The following PDE4D variants were observed in gnomAD, a reference collection of about 807,000 sequenced individuals.
PDE4D encodes the protein 3',5'-cyclic-AMP phosphodiesterase 4D.
A neutral mutation model predicts 87.4 loss-of-function variants in PDE4D; 24 were observed. The ratio of observed to expected loss-of-function variants is 0.27; its 90% CI spans 0.20 to 0.39. PDE4D has a LOEUF of 0.39. Among genes scored for constraint, PDE4D ranks in the 10% least tolerant of loss-of-function variants. The pLI, the probability that PDE4D is intolerant of heterozygous loss-of-function variation, is 1.00. For synonymous variants in PDE4D, 384 were observed against 383.2 expected (o/e 1.00, Z -0.02); for missense variants, 714 against 1,041.0 (o/e 0.69, Z 4.32).
intron 1 of PDE4D, among the ~76,000 whole-genome samples, chr5:59,279,798 T>C (rs745835567): frequency 6.8e-5 from 10 of 146,778 alleles, no homozygotes; most frequent in Non-Finnish European, 1.2e-4. Flanking sequence ...CATGTATGTA[T>C]GTGTATGTGT....
intron 1 of PDE4D, among the ~76,000 whole-genome samples, chr5:59,270,773 T>C (rs753666855): frequency 1.5e-4 from 23 of 152,146 alleles, no homozygotes; most frequent in Admixed American, 5.9e-4. Flanking sequence ...ATTAAAAAGA[T>C]AATTATATCC....
intron 2 of PDE4D, among the ~76,000 whole-genome samples, chr5:59,995,103 T>C (rs190611717): frequency 5.3e-5 from 8 of 152,238 alleles, no homozygotes; most frequent in Non-Finnish European, 7.4e-5. Flanking sequence ...TAGCCAGTTG[T>C]GACATCGACA....
intron 1 of PDE4D, among the ~76,000 whole-genome samples, chr5:59,413,140 C>A (rs372096901): frequency 6.6e-6 from 1 of 152,114 alleles, no homozygotes; most frequent in Non-Finnish European, 1.5e-5. Context: ...ATTCTTGATA[C>A]CAATGCTGAG....
chr5:59,152,534 C>T (rs182182366), intron 5 of PDE4D, among the ~76,000 whole-genome samples: 5 of 152,168 alleles, frequency 3.3e-5, no homozygotes, highest in African/African-American at 1.2e-4. Context: ...GTTCACATTT[C>T]CTTGAGTTGA....
chr5:60,305,745 G>C (rs1408532081), intron 1 of PDE4D, among the ~76,000 whole-genome samples: 2 of 144,856 alleles, frequency 1.4e-5, no homozygotes, highest in Non-Finnish European at 3.0e-5. Context: ...ATAAAATATA[G>C]ACTCTAAGAA....
At chr5:59,641,695 A>T (rs1741608260) in intron 1 of PDE4D, among the ~76,000 whole-genome samples, 1 of 152,220 alleles carries the variant, frequency 6.6e-6, no homozygotes, top group African/African-American at 2.4e-5. Context: ...AAAAAGACTG[A>T]AATCTAAATC....
At chr5:60,136,036 C>T (rs977457267) in intron 2 of PDE4D, among the ~76,000 whole-genome samples, 1 of 152,114 alleles carries the variant, frequency 6.6e-6, no homozygotes, top group African/African-American at 2.4e-5. Flanking sequence ...GGTGGTCTGA[C>T]AATTGTTTGA....
At chr5:60,111,127 T>C (rs1326375292) in intron 2 of PDE4D, among the ~76,000 whole-genome samples, 1 of 152,008 alleles carries the variant, frequency 6.6e-6, no homozygotes, top group Non-Finnish European at 1.5e-5. Flanking sequence ...TATAATCCAT[T>C]GTGTATTTTC....
intron 5 of PDE4D, among the ~76,000 whole-genome samples, chr5:59,159,507 T>G (rs1441012950): frequency 6.6e-6 from 1 of 152,170 alleles, no homozygotes; most frequent in Non-Finnish European, 1.5e-5. Context: ...CATTTTTGTT[T>G]TCTTGAAACC....
intron 1 of PDE4D, among the ~76,000 whole-genome samples, chr5:59,681,140 A>G (rs935186452): frequency 1.3e-5 from 2 of 152,176 alleles, no homozygotes; most frequent in Non-Finnish European, 2.9e-5. Context: ...AGGCTTGGAT[A>G]AAAGAACAAG....
chr5:60,157,446 T>C (rs1224394600), intron 2 of PDE4D, among the ~76,000 whole-genome samples: 1 of 152,118 alleles, frequency 6.6e-6, no homozygotes, highest in Non-Finnish European at 1.5e-5. Context: ...CTGTGAAATG[T>C]GTCAGGTGGT....
At chr5:59,638,684 T>C (rs1741014243) in intron 1 of PDE4D, among the ~76,000 whole-genome samples, 1 of 151,986 alleles carries the variant, frequency 6.6e-6, no homozygotes, top group Non-Finnish European at 1.5e-5. Flanking sequence ...ACACAGTTTT[T>C]TGTTGTTTTT....
At chr5:60,138,531 C>A (rs995594069) in intron 2 of PDE4D, among the ~76,000 whole-genome samples, 2 of 151,848 alleles carry the variant, frequency 1.3e-5, no homozygotes, top group African/African-American at 4.8e-5. Flanking sequence ...CTGGAAATGT[C>A]TTTCATTATT....
chr5:59,229,533 G>A (rs1754662408), intron 1 of PDE4D, among the ~76,000 whole-genome samples: 1 of 152,158 alleles, frequency 6.6e-6, no homozygotes. Context: ...GGTACACGAA[G>A]ATTATACAAT....
chr5:59,086,279 A>G (rs904005743), intron 5 of PDE4D, among the ~76,000 whole-genome samples: 7 of 152,150 alleles, frequency 4.6e-5, no homozygotes, highest in African/African-American at 7.2e-5. Flanking sequence ...GGGACTGCTT[A>G]TAACATTTCC....
At chr5:59,155,185 G>A (rs1779983608) in intron 5 of PDE4D, among the ~76,000 whole-genome samples, 1 of 152,086 alleles carries the variant, frequency 6.6e-6, no homozygotes, top group Non-Finnish European at 1.5e-5. Context: ...CATCTACAGA[G>A]TACACAGAGT....
At chr5:60,299,185 C>T (rs1318352715) in intron 1 of PDE4D, among the ~76,000 whole-genome samples, 1 of 152,108 alleles carries the variant, frequency 6.6e-6, no homozygotes, top group Non-Finnish European at 1.5e-5. Context: ...TCATGTAATG[C>T]TGCTGTGACC....
intron 1 of PDE4D, among the ~76,000 whole-genome samples, chr5:60,387,600 C>T (rs1762280453): frequency 6.6e-6 from 1 of 152,178 alleles, no homozygotes; most frequent in African/African-American, 2.4e-5. Context: ...GGTGCTTTTT[C>T]CCTGGGGACC....
In PDE4D at chr5:59,124,553, A is replaced by G. The variant is rs145811558; in HGVS notation, c.808+56042T>C. Among the ~76,000 whole-genome samples, 556 of 152,298 alleles carry G rather than the reference A, an allele frequency of 3.7e-3. 6 individuals carry two copies. Among genetic ancestry groups the G allele is most frequent in the African/African-American group, 0.013 (537 of 41,564 alleles). On this transcript the variant is annotated intron_variant, in intron 5 of 14. Transcript: ENST00000340635. ...AAAGGGTCATTCTATTAACCTACCC[A>G]TATCAGTTACTTTACTACTGCTGAT...
Sources: gnomAD v4.1 joint callset for allele counts (sites outside exome capture counted in the v4.1 genomes callset) on GRCh38, gnomAD v4.1.1 for gene constraint, MANE v1.5 for transcripts, NCBI Gene and HGNC (gene_info 2026-07-23, HGNC 2026-07-21) for gene names.